The following TMEM87A variants were observed in gnomAD, a reference collection of about 807,000 sequenced individuals.
The protein encoded by TMEM87A is transmembrane protein 87A, also known as Golgi-pH regulating cation channel.
A neutral mutation model predicts 90.0 loss-of-function variants in TMEM87A; 50 were observed. That is an observed-to-expected ratio of 0.56 (90% CI 0.44 to 0.70). The LOEUF (loss-of-function observed/expected upper bound fraction) is 0.70. Among genes scored for constraint, TMEM87A ranks in the 30% least tolerant of loss-of-function variants. The pLI, the probability that TMEM87A is intolerant of heterozygous loss-of-function variation, is 0.00. For missense variants in TMEM87A, 577 were observed against 660.5 expected (o/e 0.87, Z 1.39); for synonymous variants, 226 against 226.7 (o/e 1.00, Z 0.03).
At chr15:42,253,460 A>G (rs1250305667) in intron 6 of TMEM87A, among the ~76,000 whole-genome samples, 1 of 152,084 alleles carries the variant, frequency 6.6e-6, no homozygotes, top group Admixed American at 6.5e-5. Flanking sequence ...GGCAAACACA[A>G]CCCAGGAAGC....
rs1008398176 is a variant in TMEM87A at position 42,211,665 on chromosome 15, T to C, written c.*43A>G. ...GAAGACTGACACAGATGCTGATCTC[T>C]TCCCTGATGGTAGCCATCTTTAACT... On this transcript the variant is annotated 3_prime_UTR_variant, in exon 20 of 20. Coordinates refer to ENST00000389834, the MANE Select transcript of TMEM87A (RefSeq NM_015497.5). 1.9e-6 allele frequency: 3 copies of C among 1,592,860 alleles called. 1 individual carries two copies. In the African/African-American group the frequency reaches 4.0e-5, roughly 21 times the overall value.
chr15:42,236,141 T>A (rs938800657), intron 10 of TMEM87A, among the ~76,000 whole-genome samples, 179 bp downstream of exon 10: 2 of 152,238 alleles, frequency 1.3e-5, no homozygotes, highest in South Asian at 4.1e-4. Flanking sequence ...TTTGGAAGTA[T>A]GGAAAATGAA....
At chr15:42,220,493 AC>A (rs1376308274) in intron 15 of TMEM87A, among the ~76,000 whole-genome samples, 1 of 152,240 alleles carries the variant, frequency 6.6e-6, no homozygotes, top group African/African-American at 2.4e-5. Context: ...TTAGAACAAT[AC>A]CTGTCACATT....
At chr15:42,273,234 G>A (rs374934765) in intron 1 of TMEM87A, 21 bp downstream of exon 1, 36 of 1,612,858 alleles carry the variant, frequency 2.2e-5, no homozygotes, top group Non-Finnish European at 2.7e-5. Context: ...AGGTTCAGAC[G>A]TTAGTGAAGT....
upstream of TMEM87A, chr15:42,273,560 T>G: frequency 7.8e-7 from 1 of 1,287,806 alleles, no homozygotes; most frequent in Non-Finnish European, 1.0e-6. Context: ...CAGTCGTCTG[T>G]GCGCCGTGAG....
intron 7 of TMEM87A, among the ~76,000 whole-genome samples, chr15:42,243,389 AAGACC>A (rs1412856530): frequency 2.6e-5 from 4 of 151,730 alleles, no homozygotes; most frequent in African/African-American, 4.8e-5. Flanking sequence ...CACAGGAAAT[AAGACC>A]AGTTAGGAAG....
intron 19 of TMEM87A, among the ~76,000 whole-genome samples, chr15:42,216,968 T>C (rs1276306400): frequency 6.6e-6 from 1 of 151,264 alleles, no homozygotes; most frequent in Non-Finnish European, 1.5e-5. Context: ...TTTCTTTTTT[T>C]TTTTTTTTTG....
intron 19 of TMEM87A, among the ~76,000 whole-genome samples, chr15:42,214,884 C>A (rs1444923708): frequency 6.6e-6 from 1 of 152,058 alleles, no homozygotes; most frequent in Non-Finnish European, 1.5e-5. Context: ...GCAAGGGAAG[C>A]ACACAACAGA....
chr15:42,252,886 T>C (rs959406904), intron 6 of TMEM87A, among the ~76,000 whole-genome samples: 8 of 152,214 alleles, frequency 5.3e-5, no homozygotes, highest in Non-Finnish European at 7.3e-5. Context: ...AACTGAATGT[T>C]ATAAAGTGGC....
In TMEM87A at chr15:42,267,943, T is replaced by G; in HGVS notation, c.291+4A>C. ...AAAAAACTCTGTAATTTTATGTTCCTTACCTTGAAGTTATAGATTTCATTG... is the reference window on the plus strand; with the variant it reads ...AAAAAACTCTGTAATTTTATGTTCCGTACCTTGAAGTTATAGATTTCATTG... On this transcript the variant is annotated splice_donor_region_variant and intron_variant, in intron 3 of 19. Transcript: ENST00000389834. The G allele has an allele frequency of 6.2e-7, 1 of 1,608,444 alleles. No homozygotes were observed. The highest frequency in any genetic ancestry group is 8.5e-7 in the Non-Finnish European group (1 of 1,177,124).
At chr15:42,259,135 G>A in intron 6 of TMEM87A, 1 of 624,560 alleles carries the variant, frequency 1.6e-6, no homozygotes, top group South Asian at 2.0e-5. Context: ...GGGGGTAGGG[G>A]AAGCAAACAC....
rs1170960364 is a variant in TMEM87A at position 42,237,425 on chromosome 15, T to G, written c.868+7A>C. 6.2e-7 allele frequency: 1 copy of G among 1,613,004 alleles called. No individual in the cohort carries two copies. The highest frequency in any genetic ancestry group is 1.7e-5 in the Admixed American group (1 of 59,914). ...CTCGAACTGGCAAAGATTTTCTGGTTACTTACCAGATTCTCCTTTGTATCG... is the reference window on the plus strand; with the variant it reads ...CTCGAACTGGCAAAGATTTTCTGGTGACTTACCAGATTCTCCTTTGTATCG... On this transcript the variant is annotated splice_region_variant and intron_variant, in intron 9 of 19. Transcript: ENST00000389834.
chr15:42,227,874 C>T, intron 13 of TMEM87A, 105 bp from the exon 14 acceptor site: 1 of 877,002 alleles, frequency 1.1e-6, no homozygotes. Context: ...CCCGAACCCC[C>T]AAATACATCA....
chr15:42,252,677 T>C (rs545983579), intron 6 of TMEM87A, among the ~76,000 whole-genome samples: 1 of 152,286 alleles, frequency 6.6e-6, no homozygotes, highest in African/African-American at 2.4e-5. Context: ...TTTATCTCTA[T>C]GTTCTCCTGG....
At chr15:42,271,453 C>T (rs2051521995) in intron 2 of TMEM87A, 1 of 152,224 alleles carries the variant, frequency 6.6e-6, no homozygotes, top group South Asian at 2.1e-4. Context: ...CACTACATAA[C>T]ATTTCAGTAA....
chr15:42,237,270 G>T (rs957536000), intron 9 of TMEM87A, among the ~76,000 whole-genome samples, 162 bp downstream of exon 9: 2 of 152,140 alleles, frequency 1.3e-5, no homozygotes, highest in African/African-American at 4.8e-5. Context: ...GAACTCATAA[G>T]ATTAAAAACA....
chr15:42,236,282 T>C, intron 10 of TMEM87A, 38 bp downstream of exon 10: 2 of 1,542,982 alleles, frequency 1.3e-6, no homozygotes, highest in Non-Finnish European at 1.8e-6. Flanking sequence ...TTAATCAGCA[T>C]TTTAATTTGC....
chr15:42,257,232 G>A (rs2051200884), intron 6 of TMEM87A, among the ~76,000 whole-genome samples: 1 of 151,950 alleles, frequency 6.6e-6, no homozygotes, highest in Non-Finnish European at 1.5e-5. Context: ...TTGGGTCATG[G>A]GAGCCAATCC....
chr15:42,253,258 G>GT (rs1205518220), intron 6 of TMEM87A, among the ~76,000 whole-genome samples: 1 of 152,140 alleles, frequency 6.6e-6, no homozygotes, highest in Non-Finnish European at 1.5e-5. Flanking sequence ...TTTTCTGATC[G>GT]TATGTCCAGT....
Sources: allele counts gnomAD v4.1 joint callset (sites outside exome capture counted in the v4.1 genomes callset), GRCh38; gene constraint gnomAD v4.1.1; transcripts MANE v1.5; gene names NCBI Gene and HGNC (gene_info 2026-07-23, HGNC 2026-07-21).